Variants in GRIK1 observed in about 807,000 individuals in gnomAD.
GRIK1 encodes glutamate receptor ionotropic, kainate 1.
A neutral mutation model predicts 105.7 loss-of-function variants in GRIK1; 69 were observed. That is an observed-to-expected ratio of 0.65 (90% CI 0.54 to 0.80). GRIK1 has a LOEUF of 0.80. Ranked by LOEUF, GRIK1 falls within the 30% of genes least tolerant of loss-of-function variation. The pLI is 0.00. For missense variants in GRIK1, 1,109 were observed against 1,167.3 expected (o/e 0.95, Z 0.73); for synonymous variants, 438 against 431.3 (o/e 1.02, Z -0.19).
intron 12 of GRIK1, among the ~76,000 whole-genome samples, chr21:29,585,975 G>C (rs565143588): frequency 4.6e-5 from 7 of 152,124 alleles, no homozygotes; most frequent in Non-Finnish European, 1.0e-4. Flanking sequence ...CCTGGACTCC[G>C]TCCACTTGAT....
chr21:29,663,301 A>G lies in GRIK1; in HGVS notation c.727-8438T>C, dbSNP rs191040583. On this transcript the variant is annotated intron_variant, in intron 4 of 17. Coordinates refer to ENST00000327783, the MANE Select transcript of GRIK1 (RefSeq NM_001330994.2). ...TATTTAAGACCAAAGTTAGAACCAC[A>G]GGAGTCAAAGCTTTATCTTAAGTAG... Among the ~76,000 whole-genome samples the G allele has an allele frequency of 9.2e-5, 14 of 152,338 alleles. No homozygotes were observed. In the East Asian group the frequency reaches 2.1e-3, roughly 23 times the overall value.
At chr21:29,722,412 C>T (rs2064344798) in intron 1 of GRIK1, among the ~76,000 whole-genome samples, 2 of 151,772 alleles carry the variant, frequency 1.3e-5, no homozygotes. Flanking sequence ...AAAAATTAGC[C>T]AGGTGTGGTG....
At chr21:29,811,799 C>T (rs116178326) in intron 1 of GRIK1, among the ~76,000 whole-genome samples, 264 of 152,320 alleles carry the variant, frequency 1.7e-3, no homozygotes, top group African/African-American at 6.2e-3. Context: ...GATGCCTTCT[C>T]CTGCCTTCTG....
intron 16 of GRIK1, among the ~76,000 whole-genome samples, chr21:29,541,297 G>T (rs1016071646): frequency 2.6e-5 from 4 of 152,072 alleles, no homozygotes; most frequent in Admixed American, 2.6e-4. Context: ...GTTTAGAATT[G>T]GTGCCTGGTA....
In GRIK1 at chr21:29,777,478, A is replaced by T. The variant is rs142970174; in HGVS notation, c.119-83415T>A. On this transcript the variant is annotated intron_variant, in intron 1 of 17. Transcript: ENST00000327783. ...CAGGACTAGAAGGATGTGTGGACAG[A>T]GAGAAAAGGTAATTGGAGAGGGTTT... 3.8e-3 allele frequency among the ~76,000 whole-genome samples: 578 copies of T among 152,330 alleles called. 8 individuals carry two copies. Among genetic ancestry groups the T allele is most frequent in the African/African-American group, 0.013 (540 of 41,566 alleles).
chr21:29,618,325 G>A (rs1469373063), intron 7 of GRIK1, among the ~76,000 whole-genome samples: 1 of 152,042 alleles, frequency 6.6e-6, no homozygotes. Context: ...CCTTACTCCC[G>A]CAAGAATGGC....
Position 29,690,020 on chromosome 21 carries a change from AG to A in GRIK1, c.287-36del, listed in dbSNP as rs757514940. 9 of 983,732 alleles carry A rather than the reference AG, an allele frequency of 9.1e-6. 2 individuals are homozygous for A. Among genetic ancestry groups the A allele is most frequent in the Non-Finnish European group, 1.4e-5 (9 of 641,710 alleles). 60.9% of individuals were successfully genotyped at this position (983,732 alleles called of 1,614,324 possible). A position where few individuals can be genotyped will look rare whatever the true frequency, so the allele number is the denominator to read the frequency against. On this transcript the variant is annotated intron_variant, in intron 2 of 17. Transcript: ENST00000327783. ...AAGGACAAGGAGAGGATGGGGAGGG[AG>A]GGCAGGGAAAGGGGGAGAGAAAAAG...
chr21:29,777,876 A>T (rs561458313), intron 1 of GRIK1, among the ~76,000 whole-genome samples: 9 of 152,318 alleles, frequency 5.9e-5, no homozygotes, highest in East Asian at 5.8e-4. Flanking sequence ...GGGTCAAGTG[A>T]GGGAAGAGTC....
At chr21:29,780,690 C>A (rs760240106) in intron 1 of GRIK1, among the ~76,000 whole-genome samples, 64 of 152,156 alleles carry the variant, frequency 4.2e-4, no homozygotes, top group Non-Finnish European at 8.2e-4. Context: ...GATTTCAAGC[C>A]AGCAAACTTG....
intron 1 of GRIK1, among the ~76,000 whole-genome samples, chr21:29,828,870 A>T (rs1392507583): frequency 6.6e-6 from 1 of 152,162 alleles, no homozygotes. Flanking sequence ...CAGATGAGGA[A>T]TTAGTTCAGT....
intron 1 of GRIK1, among the ~76,000 whole-genome samples, chr21:29,897,643 A>G (rs952977480): frequency 2.0e-5 from 3 of 152,352 alleles, no homozygotes; most frequent in African/African-American, 7.2e-5. Flanking sequence ...ATAAAAAATA[A>G]CGTTAGTCCA....
chr21:29,591,168 A>C lies in GRIK1; in HGVS notation c.1309T>G (p.Ser437Ala). The stretch of plus-strand genomic sequence containing the variant: ...GCCAATGAATCAGTGATATTGCTGG[A>C]CTTGTCTTTGTTGCTGTCCGTCATG... ...LNMTDSNKDK[S>A]SNITDSLANR... Residue 437 changes from serine (S) to alanine (A), a missense_variant, in exon 10 of 18, where the codon TCC (serine) becomes GCC (alanine). Transcript: ENST00000327783. 1 of 1,612,310 alleles carries C rather than the reference A, an allele frequency of 6.2e-7. No individual in the cohort carries two copies. The highest frequency in any genetic ancestry group is 8.5e-7 in the Non-Finnish European group (1 of 1,178,368).
At chr21:29,710,661 T>A (rs540015297) in intron 1 of GRIK1, among the ~76,000 whole-genome samples, 8 of 152,166 alleles carry the variant, frequency 5.3e-5, no homozygotes, top group African/African-American at 1.9e-4. Flanking sequence ...TTTCATATAC[T>A]TATTTAAATC....
intron 1 of GRIK1, among the ~76,000 whole-genome samples, chr21:29,728,396 G>T (rs2064524137): frequency 6.6e-6 from 1 of 152,164 alleles, no homozygotes; most frequent in Non-Finnish European, 1.5e-5. Flanking sequence ...CGTGAAGGGG[G>T]ATAGGGCCTA....
chr21:29,905,975 T>C (rs2070625226), intron 1 of GRIK1, among the ~76,000 whole-genome samples: 1 of 152,062 alleles, frequency 6.6e-6, no homozygotes, highest in Non-Finnish European at 1.5e-5. Flanking sequence ...TAAATATCTG[T>C]TATTGCCCGG....
At chr21:29,575,238 T>G (rs566292358) in intron 14 of GRIK1, among the ~76,000 whole-genome samples, 4 of 152,158 alleles carry the variant, frequency 2.6e-5, no homozygotes, top group Non-Finnish European at 5.9e-5. Flanking sequence ...TTTCCTAACC[T>G]TAGTTTTTGT....
intron 7 of GRIK1, among the ~76,000 whole-genome samples, chr21:29,639,995 T>C (rs1209995088): frequency 6.6e-6 from 1 of 152,194 alleles, no homozygotes; most frequent in East Asian, 1.9e-4. Context: ...CAACAGTGTG[T>C]GGAGTTATCA....
At chr21:29,874,544 T>C (rs2069126241) in intron 1 of GRIK1, among the ~76,000 whole-genome samples, 1 of 152,166 alleles carries the variant, frequency 6.6e-6, no homozygotes, top group South Asian at 2.1e-4. Context: ...CATTTGTTCG[T>C]CCGCCGCTCA....
At chr21:29,829,201 G>T (rs2067559174) in intron 1 of GRIK1, among the ~76,000 whole-genome samples, 1 of 152,068 alleles carries the variant, frequency 6.6e-6, no homozygotes, top group Non-Finnish European at 1.5e-5. Context: ...ATGCTGCAGT[G>T]ACCTCTCTAA....
Sources: allele counts gnomAD v4.1 joint callset (sites outside exome capture counted in the v4.1 genomes callset), GRCh38; gene constraint gnomAD v4.1.1; transcripts MANE v1.5; gene names NCBI Gene and HGNC (gene_info 2026-07-23, HGNC 2026-07-21).